CCDC178: variants seen among roughly 807,000 people sequenced by gnomAD.
CCDC178 encodes coiled-coil domain containing 178.
CCDC178 carries 126 observed loss-of-function variants against 117.4 expected under a neutral mutation model. The ratio of observed to expected loss-of-function variants is 1.07; its 90% CI spans 0.93 to 1.24. CCDC178 has a LOEUF of 1.24. CCDC178 is among the 50% of genes most tolerant of loss of function. The pLI is 0.00. For synonymous variants in CCDC178, 283 were observed against 313.4 expected (o/e 0.90, Z 1.02); for missense variants, 1,030 against 986.9 (o/e 1.04, Z -0.59).
intron 21 of CCDC178, among the ~76,000 whole-genome samples, chr18:33,028,384 A>C (rs1481279077): frequency 4.0e-5 from 6 of 151,834 alleles, no homozygotes; most frequent in Non-Finnish European, 5.9e-5. Context: ...AATGAAATGA[A>C]CAACTTCTTT....
At chr18:33,328,022 C>A in intron 10 of CCDC178, 1 of 359,568 alleles carries the variant, frequency 2.8e-6, no homozygotes. Flanking sequence ...TCCTATTTTT[C>A]TATCAGTGTC....
intron 12 of CCDC178, among the ~76,000 whole-genome samples, chr18:33,290,786 A>G (rs1164382207): frequency 6.6e-6 from 1 of 151,994 alleles, no homozygotes; most frequent in East Asian, 1.9e-4. Flanking sequence ...GTGAATGGAA[A>G]AAGATCCACA....
intron 18 of CCDC178, among the ~76,000 whole-genome samples, chr18:33,219,868 T>C (rs2059210165): frequency 6.6e-6 from 1 of 152,084 alleles, no homozygotes; most frequent in South Asian, 2.1e-4. Flanking sequence ...GGCACATGTA[T>C]ACATAAACAA....
intron 12 of CCDC178, among the ~76,000 whole-genome samples, chr18:33,275,604 G>A (rs947670998): frequency 6.4e-5 from 9 of 139,974 alleles, no homozygotes; most frequent in African/African-American, 2.4e-4. Flanking sequence ...AGGGAAGAAG[G>A]GAGGGAGGGA....
At chr18:33,153,136 T>TTATATATA (rs10604490) in intron 20 of CCDC178, among the ~76,000 whole-genome samples, 1 of 144,266 alleles carries the variant, frequency 6.9e-6, no homozygotes, top group Non-Finnish European at 1.5e-5. Flanking sequence ...TGAGTGACAA[T>TTATATATA]TATATATATA....
chr18:33,284,455 T>G (rs1184628619), intron 12 of CCDC178, among the ~76,000 whole-genome samples: 1 of 152,196 alleles, frequency 6.6e-6, no homozygotes, highest in African/African-American at 2.4e-5. Flanking sequence ...TGAAATAAGT[T>G]TTTATGTCAT....
intron 21 of CCDC178, among the ~76,000 whole-genome samples, chr18:32,994,812 G>C (rs1317326872): frequency 6.6e-6 from 1 of 152,132 alleles, no homozygotes; most frequent in Non-Finnish European, 1.5e-5. Flanking sequence ...AGAATTCAAT[G>C]ATGATTATCC....
chr18:33,205,843 T>C (rs1168300783), intron 20 of CCDC178, among the ~76,000 whole-genome samples: 1 of 152,176 alleles, frequency 6.6e-6, no homozygotes, highest in African/African-American at 2.4e-5. Context: ...TATAGGCCCA[T>C]GCCACCACAC....
intron 20 of CCDC178, among the ~76,000 whole-genome samples, chr18:33,168,465 A>C (rs1270278485): frequency 6.6e-6 from 1 of 152,164 alleles, no homozygotes; most frequent in Non-Finnish European, 1.5e-5. Context: ...GTAGCAGTAG[A>C]GAAAATACTT....
At chr18:32,941,632 G>T (rs1041308146) in intron 22 of CCDC178, among the ~76,000 whole-genome samples, 7 of 152,082 alleles carry the variant, frequency 4.6e-5, no homozygotes, top group African/African-American at 1.4e-4. Flanking sequence ...AAAGCTAAAA[G>T]ACCTGCTATT....
chr18:33,237,274 A>G (rs2059435842), intron 15 of CCDC178, among the ~76,000 whole-genome samples: 1 of 151,638 alleles, frequency 6.6e-6, no homozygotes, highest in African/African-American at 2.4e-5. Flanking sequence ...ATGGAAACCA[A>G]CCCCTCCACC....
At chr18:33,046,573 A>G (rs1648072579) in intron 21 of CCDC178, among the ~76,000 whole-genome samples, 1 of 152,208 alleles carries the variant, frequency 6.6e-6, no homozygotes, top group Non-Finnish European at 1.5e-5. Context: ...CCTACTTAAC[A>G]TTTAAAATGT....
At chr18:33,360,845 G>A (rs934481274) in intron 6 of CCDC178, among the ~76,000 whole-genome samples, 2 of 151,380 alleles carry the variant, frequency 1.3e-5, no homozygotes, top group Admixed American at 6.6e-5. Context: ...GAAATTGAGC[G>A]TGATGCAAAT....
chr18:33,039,568 A>AGAG lies in CCDC178; in HGVS notation c.2388+53190_2388+53192dup, dbSNP rs145484024. 8.0e-3 allele frequency among the ~76,000 whole-genome samples: 1,215 copies of AGAG among 152,186 alleles called. 10 individuals carry two copies. Among genetic ancestry groups the AGAG allele is most frequent in the Non-Finnish European group, 9.7e-3 (657 of 67,974 alleles). ...ATATCATTAACAAGAGCATGCCCTC[A>AGAG]GAGGAGAAGGCCTATTCTGAATATA... On this transcript the variant is annotated intron_variant, in intron 21 of 22. Coordinates refer to ENST00000383096, the MANE Select transcript of CCDC178 (RefSeq NM_001105528.4).
Position 33,295,995 on chromosome 18 carries a change from C to A in CCDC178, c.1023-2683G>T, listed in dbSNP as rs544559217. Among the ~76,000 whole-genome samples the A allele has an allele frequency of 7.9e-5, 12 of 152,214 alleles. No homozygotes were observed. The South Asian group carries it at 1.2e-3, about 16-fold the overall frequency. ...AAAACTTCTACATTGATATCCATGG[C>A]AACTTTATTCAAAGTAGCAAATAAC... On this transcript the variant is annotated intron_variant, in intron 11 of 22. Coordinates refer to ENST00000383096, the MANE Select transcript of CCDC178 (RefSeq NM_001105528.4).
intron 21 of CCDC178, among the ~76,000 whole-genome samples, chr18:33,042,417 A>C (rs1258859516): frequency 2.0e-5 from 3 of 151,948 alleles, no homozygotes; most frequent in African/African-American, 7.2e-5. Context: ...TAAATTCAAA[A>C]GGTGTATACT....
intron 21 of CCDC178, among the ~76,000 whole-genome samples, chr18:33,089,812 TTA>T (rs1403169491): frequency 2.0e-5 from 3 of 152,160 alleles, no homozygotes; most frequent in Non-Finnish European, 4.4e-5. Flanking sequence ...TGACATATTT[TTA>T]TAAAAAGTAT....
At chr18:33,352,486 T>C (rs1268571927) in intron 7 of CCDC178, among the ~76,000 whole-genome samples, 1 of 152,150 alleles carries the variant, frequency 6.6e-6, no homozygotes, top group Non-Finnish European at 1.5e-5. Context: ...ATACTCCTGC[T>C]TCCTTAAGGT....
intron 20 of CCDC178, among the ~76,000 whole-genome samples, chr18:33,103,135 A>G (rs1471996343): frequency 1.3e-5 from 2 of 151,930 alleles, no homozygotes; most frequent in East Asian, 1.9e-4. Context: ...TTGGACTTAC[A>G]CTTCCACATT....
Sources: allele counts gnomAD v4.1 joint callset (sites outside exome capture counted in the v4.1 genomes callset), GRCh38; gene constraint gnomAD v4.1.1; transcripts MANE v1.5; gene names NCBI Gene and HGNC (gene_info 2026-07-23, HGNC 2026-07-21).